PRKCG: variants seen among roughly 807,000 people sequenced by gnomAD.
The protein encoded by PRKCG is protein kinase C gamma, also known as protein kinase C gamma type.
Under a neutral mutation model 82.0 loss-of-function variants are expected in PRKCG, and 28 were observed. That is an observed-to-expected ratio of 0.34 (90% CI 0.25 to 0.47). PRKCG has a LOEUF of 0.47. PRKCG is among the 20% of genes least tolerant of loss of function. The pLI, the probability that PRKCG is intolerant of heterozygous loss-of-function variation, is 1.00. For synonymous variants in PRKCG, 383 were observed against 376.6 expected (o/e 1.02, Z -0.20); for missense variants, 640 against 952.7 (o/e 0.67, Z 4.32).
In PRKCG at chr19:53,884,126, G is replaced by C. The variant is rs1174791809; in HGVS notation, c.203-35G>C. 2 of 1,606,172 alleles carry C rather than the reference G, an allele frequency of 1.2e-6. No homozygotes were observed. Among genetic ancestry groups the C allele is most frequent in the Admixed American group, 3.3e-5 (2 of 59,982 alleles). ...GGGGTCTCCCGCTGGACTAATCCAT[G>C]CCTCCGTCTGTGTCTCTATGATTTT... is the stretch of plus-strand genomic sequence containing the variant. On this transcript the variant is annotated intron_variant, in intron 2 of 17. Transcript: ENST00000263431. The surrounding 1 kb of genome is among the most constrained non-coding windows in gnomAD (Gnocchi z 4.6).
intron 9 of PRKCG, among the ~76,000 whole-genome samples, chr19:53,896,913 C>G (rs2068722256): frequency 6.6e-6 from 1 of 152,146 alleles, no homozygotes; most frequent in African/African-American, 2.4e-5. Context: ...AGGCATCTGA[C>G]CCAGTTTAAA....
In PRKCG at chr19:53,894,052, C is replaced by T. The variant is rs138558233; in HGVS notation, c.939+661C>T. The stretch of plus-strand genomic sequence containing the variant: ...GATTACAGGCATGAGCCACTGCGCC[C>T]GACCGATTCTTGAGTTTTTTATTTT... On this transcript the variant is annotated intron_variant, in intron 9 of 17. Transcript: ENST00000263431. 3.9e-3 allele frequency among the ~76,000 whole-genome samples: 583 copies of T among 151,274 alleles called. 4 individuals carry two copies. The highest frequency in any genetic ancestry group is 0.014 in the African/African-American group (561 of 41,194).
Position 53,889,530 on chromosome 19 carries a change from C to T in PRKCG, c.286-108C>T. On this transcript the variant is annotated intron_variant, in intron 3 of 17. Transcript: ENST00000263431. The surrounding 1 kb of genome is among the most constrained non-coding windows in gnomAD (Gnocchi z 4.4). ...GGTACATAGAGTGAAAGAGATGGAGCCTCAGGCTGACCTAGAGAGCAAGGC... is the reference window on the plus strand; with the variant it reads ...GGTACATAGAGTGAAAGAGATGGAGTCTCAGGCTGACCTAGAGAGCAAGGC... 1.3e-6 allele frequency: 1 copy of T among 791,454 alleles called. No individual in the cohort carries two copies. Among genetic ancestry groups the T allele is most frequent in the South Asian group, 1.5e-5 (1 of 68,512 alleles). 49.0% of individuals were successfully genotyped at this position (791,454 alleles called of 1,614,324 possible).
At chr19:53,885,437 GGCCAGGC>G (rs2068624525) in intron 3 of PRKCG, among the ~76,000 whole-genome samples, 1 of 151,998 alleles carries the variant, frequency 6.6e-6, no homozygotes, top group African/African-American at 2.4e-5. Flanking sequence ...TCACCATGTT[GGCCAGGC>G]TGGTCTCGAA....
At chr19:53,890,416 C>T (rs1252740638) in intron 5 of PRKCG, among the ~76,000 whole-genome samples, 2 of 151,320 alleles carry the variant, frequency 1.3e-5, no homozygotes, top group African/African-American at 2.4e-5. Context: ...GTCACCAAGC[C>T]CGGCTAATTT....
In PRKCG at chr19:53,906,281, T is replaced by G. The variant is rs897684236; in HGVS notation, c.1765-36T>G. ...GGGTCTACCTGTCCGGCACTCTGTC[T>G]GTTTGTCTGTCTGTCTCTCTCTGTG... On this transcript the variant is annotated intron_variant, in intron 16 of 17. Coordinates refer to ENST00000263431, the MANE Select transcript of PRKCG (RefSeq NM_002739.5). The G allele has an allele frequency of 2.6e-6, 4 of 1,550,672 alleles. No individual in the cohort carries two copies. The African/African-American group carries it at 5.5e-5, about 21-fold the overall frequency.
In PRKCG at chr19:53,897,993, C is replaced by A; in HGVS notation, c.974C>A (p.Pro325His). 1 of 1,614,112 alleles carries A rather than the reference C, an allele frequency of 6.2e-7. No individual in the cohort carries two copies. The highest frequency in any genetic ancestry group is 8.5e-7 in the Non-Finnish European group (1 of 1,180,012). Residue 325 changes from proline (P) to histidine (H), a missense_variant, in exon 10 of 18, where the codon CCC becomes CAC. Pro to His is a moderately conservative substitution (Grantham distance 77, BLOSUM62 -2). Transcript: ENST00000263431. ...ATGGGCCCCTCTTCCTCTCCCATCC[C>A]CTCCCCTTCCCCTAGTCCCACCGAC... ...VRMGPSSSPIPSPSPSPTDPK... is the reference protein window; with the variant it reads ...VRMGPSSSPIHSPSPSPTDPK...
In PRKCG at chr19:53,900,401, ACC is replaced by A; in HGVS notation, c.1374-16_1374-15del. On this transcript the variant is annotated splice_polypyrimidine_tract_variant and intron_variant, in intron 12 of 17. Transcript: ENST00000263431. The surrounding 1 kb of genome is among the most constrained non-coding windows in gnomAD (Gnocchi z 4.2). ...CAGCCACTGACCTTCTGACGTCCCC[ACC>A]CACCCCGTCCTCCAGGTTCTACGCG... The A allele has an allele frequency of 6.2e-7, 1 of 1,613,920 alleles. No individual in the cohort carries two copies. The highest frequency in any genetic ancestry group is 1.1e-5 in the South Asian group (1 of 91,058).
chr19:53,893,581 A>T, intron 9 of PRKCG, 190 bp downstream of exon 9: 1 of 720,002 alleles, frequency 1.4e-6, no homozygotes, highest in Non-Finnish European at 2.5e-6. Context: ...TCTCCAAGGT[A>T]GGGACACAGT....
Position 53,882,382 on chromosome 19 carries a change from A to G in PRKCG, c.-113A>G. The G allele has an allele frequency of 1.4e-6, 2 of 1,481,080 alleles. No individual in the cohort carries two copies. The highest frequency in any genetic ancestry group is 1.8e-6 in the Non-Finnish European group (2 of 1,089,160). The allele number at this position is 1,481,080 out of a possible 1,614,324, so 91.7% of individuals were successfully genotyped here. On this transcript the variant is annotated 5_prime_UTR_variant, in exon 1 of 18. Coordinates refer to ENST00000263431, the MANE Select transcript of PRKCG (RefSeq NM_002739.5). This position sits in a 1 kb window ranked among gnomAD's most constrained non-coding sequence, Gnocchi z 6.1. ...GAGGTGCCTTGCCCCTCTCCTGCCC[A>G]CCTCGGAATTTCCCTGTGGCTCCTT...
At chr19:53,887,632 C>T (rs2068641238) in intron 3 of PRKCG, among the ~76,000 whole-genome samples, 1 of 148,350 alleles carries the variant, frequency 6.7e-6, no homozygotes, top group South Asian at 2.2e-4. Flanking sequence ...AGATCCAAAC[C>T]ATCCTGGCTA....
intron 6 of PRKCG, 77 bp downstream of exon 6, chr19:53,891,907 G>C: frequency 4.4e-6 from 7 of 1,588,738 alleles, no homozygotes; most frequent in Non-Finnish European, 6.0e-6. Flanking sequence ...CCAGAGAGCA[G>C]CTGATGGGAG....
rs2068601080 is a variant in PRKCG, at chr19:53,882,599, C to T, written c.105C>T (p.Ser35=). The T allele has an allele frequency of 1.2e-6, 2 of 1,614,012 alleles. No homozygotes were observed. The highest frequency in any genetic ancestry group is 1.7e-6 in the Non-Finnish European group (2 of 1,179,994). Residue 35 remains serine, a synonymous_variant, in exon 1 of 18, where the codon AGC becomes AGT. Transcript: ENST00000263431. The surrounding 1 kb of genome is among the most constrained non-coding windows in gnomAD (Gnocchi z 6.1). ...LRQKVVHEVK[S]HKFTARFFKQ... ...AGAAGGTGGTCCACGAAGTCAAGAG[C>T]CACAAGTTCACCGCTCGCTTCTTCA...
intron 3 of PRKCG, among the ~76,000 whole-genome samples, chr19:53,885,140 A>G (rs115648018): frequency 5.3e-4 from 80 of 152,368 alleles, no homozygotes; most frequent in African/African-American, 1.6e-3. Flanking sequence ...CACCAGCTCC[A>G]TGTAGCCAGT....
Position 53,892,941 on chromosome 19 carries a change from G to C in PRKCG, c.822-47G>C. ...TTCCAATGTCTTTGCCTCTCCCATG[G>C]GTGCCCCATCCCCGCTGCCCGCCTC... On this transcript the variant is annotated intron_variant, in intron 7 of 17. Coordinates refer to ENST00000263431, the MANE Select transcript of PRKCG (RefSeq NM_002739.5). The surrounding 1 kb of genome is among the most constrained non-coding windows in gnomAD (Gnocchi z 5.9). 1.3e-6 allele frequency: 2 copies of C among 1,549,202 alleles called. No homozygotes were observed. Among genetic ancestry groups the C allele is most frequent in the East Asian group, 2.2e-5 (1 of 44,526 alleles).
chr19:53,881,486 C>T (rs1424494183), upstream of PRKCG, among the ~76,000 whole-genome samples: 3 of 151,120 alleles, frequency 2.0e-5, no homozygotes, highest in Non-Finnish European at 2.9e-5. Flanking sequence ...GAGACAGAGG[C>T]GGAAGAATTT....
At chr19:53,899,175 TG>T (rs1400301603) in intron 11 of PRKCG, among the ~76,000 whole-genome samples, 1 of 148,640 alleles carries the variant, frequency 6.7e-6, no homozygotes, top group Non-Finnish European at 1.5e-5. Flanking sequence ...CTCGGTGGCA[TG>T]GCCTGGCCAG....
In PRKCG at chr19:53,884,194, A is replaced by G; in HGVS notation, c.236A>G (p.Glu79Gly). 4 of 1,614,078 alleles carry G rather than the reference A, an allele frequency of 2.5e-6. No homozygotes were observed. Among genetic ancestry groups the G allele is most frequent in the Non-Finnish European group, 3.4e-6 (4 of 1,180,040 alleles). ...CSFVVHRRCH[E>G]FVTFECPGAG... ...TTTGTGGTTCATCGACGATGCCACG[A>G]ATTTGTGACCTTCGAGTGTCCAGGC... Residue 79 changes from glutamate to glycine, a missense_variant, in exon 3 of 18, where the codon GAA becomes GGA. Around this residue, in one of 7 missense-constraint regions of PRKCG, gnomAD observed 50 missense variants for 146.5 expected, o/e 0.34. Coordinates refer to ENST00000263431, the MANE Select transcript of PRKCG (RefSeq NM_002739.5). The surrounding 1 kb of genome is among the most constrained non-coding windows in gnomAD (Gnocchi z 4.6).
At chr19:53,888,630 T>C (rs1259372845) in intron 3 of PRKCG, among the ~76,000 whole-genome samples, 1 of 152,130 alleles carries the variant, frequency 6.6e-6, no homozygotes, top group Non-Finnish European at 1.5e-5. Flanking sequence ...AGTAATAGTA[T>C]TGGGAGCATC....
Sources: allele counts gnomAD v4.1 joint callset (sites outside exome capture counted in the v4.1 genomes callset), GRCh38; gene constraint gnomAD v4.1.1; regional missense constraint gnomAD v4.1.1; non-coding constraint Gnocchi (gnomAD v3.1); transcripts MANE v1.5; gene names NCBI Gene and HGNC (gene_info 2026-07-23, HGNC 2026-07-21).